SCHIP1: variants seen among roughly 807,000 people sequenced by gnomAD.
SCHIP1 encodes the protein schwannomin interacting protein 1.
In SCHIP1, 8 loss-of-function variants were observed where a neutral mutation model predicts 29.7. That is an observed-to-expected ratio of 0.27 (90% CI 0.16 to 0.49). The LOEUF is 0.49. SCHIP1 is among the 20% of genes least tolerant of loss of function. The probability of loss-of-function intolerance (pLI) is 0.99; values close to 1 mark genes in which losing one functional copy is unlikely to be tolerated. For missense variants in SCHIP1, 193 were observed against 294.6 expected (o/e 0.66, Z 2.52); for synonymous variants, 76 against 94.9 (o/e 0.80, Z 1.16).
chr3:159,490,294 G>A, the SCHIP1 span, among the ~76,000 whole-genome samples: 1 of 152,096 alleles, frequency 6.6e-6, no homozygotes, highest in South Asian at 2.1e-4. Context: ...GCTAACTATT[G>A]TCACCACACT....
the SCHIP1 span, among the ~76,000 whole-genome samples, chr3:159,411,989 T>A: frequency 6.6e-6 from 1 of 152,222 alleles, no homozygotes; most frequent in Non-Finnish European, 1.5e-5. Context: ...ACTATCAATA[T>A]GTTTTTATTA....
At chr3:159,403,156 A>T in the SCHIP1 span, among the ~76,000 whole-genome samples, 1 of 152,166 alleles carries the variant, frequency 6.6e-6, no homozygotes, top group East Asian at 1.9e-4. Flanking sequence ...AAATGTAGGG[A>T]TAATCAAGAA....
chr3:159,715,914 T>G, the SCHIP1 span, among the ~76,000 whole-genome samples: 4 of 152,008 alleles, frequency 2.6e-5, no homozygotes, highest in African/African-American at 9.7e-5. Flanking sequence ...ACAAAGATAC[T>G]CCTCAAGAAG....
At chr3:159,557,539 G>A in the SCHIP1 span, among the ~76,000 whole-genome samples, 1 of 152,126 alleles carries the variant, frequency 6.6e-6, no homozygotes, top group East Asian at 1.9e-4. Context: ...ATTTTGGCTG[G>A]GCATGCTGGC....
chr3:159,895,123 T>C (rs868829264), intron 6 of SCHIP1, among the ~76,000 whole-genome samples: 2 of 152,184 alleles, frequency 1.3e-5, no homozygotes, highest in African/African-American at 4.8e-5. Flanking sequence ...GTCACGAAAA[T>C]GTTTGATTCT....
the SCHIP1 span, among the ~76,000 whole-genome samples, chr3:159,284,349 CCTTT>C: frequency 6.6e-6 from 1 of 152,012 alleles, no homozygotes; most frequent in Non-Finnish European, 1.5e-5. Context: ...TCTGCATACT[CCTTT>C]ATTACTTTTA....
chr3:159,818,511 G>A, the SCHIP1 span, among the ~76,000 whole-genome samples: 1 of 152,222 alleles, frequency 6.6e-6, no homozygotes, highest in Admixed American at 6.5e-5. Flanking sequence ...GTAGAGCACT[G>A]CCTGGGAATC....
the SCHIP1 span, among the ~76,000 whole-genome samples, chr3:159,643,491 A>G: frequency 1.3e-5 from 2 of 152,042 alleles, no homozygotes; most frequent in African/African-American, 4.8e-5. Flanking sequence ...GCACAATCAG[A>G]ACATTCTCTC....
the SCHIP1 span, among the ~76,000 whole-genome samples, chr3:159,424,606 G>A: frequency 6.6e-6 from 1 of 152,202 alleles, no homozygotes; most frequent in Non-Finnish European, 1.5e-5. Context: ...AACCAAGTTG[G>A]AAAACACTCT....
At chr3:159,714,218 A>C in the SCHIP1 span, among the ~76,000 whole-genome samples, 2 of 152,216 alleles carry the variant, frequency 1.3e-5, no homozygotes, top group Non-Finnish European at 2.9e-5. Flanking sequence ...CCTGGGTGAC[A>C]GAGCGAGATC....
At chr3:159,346,720 T>C in the SCHIP1 span, among the ~76,000 whole-genome samples, 1 of 152,124 alleles carries the variant, frequency 6.6e-6, no homozygotes, top group South Asian at 2.1e-4. Flanking sequence ...AATACGTGTG[T>C]GTGGGTGTGG....
chr3:159,884,392 T>TC (rs1716766759), intron 2 of SCHIP1, among the ~76,000 whole-genome samples: 1 of 149,692 alleles, frequency 6.7e-6, no homozygotes, highest in Non-Finnish European at 1.5e-5. Flanking sequence ...TGTGTGTGTT[T>TC]ATGTATGTAT....
chr3:159,493,717 T>C, the SCHIP1 span, among the ~76,000 whole-genome samples: 5 of 151,668 alleles, frequency 3.3e-5, no homozygotes, highest in South Asian at 2.1e-4. Context: ...AACAAGGATA[T>C]CCAGGAATTG....
chr3:159,471,504 T>A, the SCHIP1 span, among the ~76,000 whole-genome samples: 1 of 152,096 alleles, frequency 6.6e-6, no homozygotes, highest in Non-Finnish European at 1.5e-5. Flanking sequence ...TAAAATTAAA[T>A]CATTTGCCAG....
chr3:159,654,802 T>TAAAAAAAAAAAAAAAAAAAAAAAAA, the SCHIP1 span, among the ~76,000 whole-genome samples: 1 of 103,808 alleles, frequency 9.6e-6, no homozygotes. Flanking sequence ...TGACTTTAAG[T>TAAAAAAAAAAAAAAAAAAAAAAAAA]AAAAAAAAAA....
chr3:159,644,590 G>T, the SCHIP1 span, among the ~76,000 whole-genome samples: 1 of 152,088 alleles, frequency 6.6e-6, no homozygotes, highest in East Asian at 1.9e-4. Flanking sequence ...TAGCTAAAAT[G>T]CTCATCTCAC....
At chr3:159,884,846 T>C (rs1369186824) in intron 2 of SCHIP1, among the ~76,000 whole-genome samples, 3 of 152,206 alleles carry the variant, frequency 2.0e-5, no homozygotes, top group Non-Finnish European at 4.4e-5. Context: ...TGTTGCTTTC[T>C]AACCCCTAGT....
chr3:159,511,180 G>A, the SCHIP1 span, among the ~76,000 whole-genome samples: 1 of 152,174 alleles, frequency 6.6e-6, no homozygotes, highest in South Asian at 2.1e-4. Flanking sequence ...GGCACCCCTC[G>A]CCCAGCCTCG....
chr3:159,547,837 G>A, the SCHIP1 span, among the ~76,000 whole-genome samples: 127 of 152,260 alleles, frequency 8.3e-4, no homozygotes, highest in Non-Finnish European at 1.6e-3. Flanking sequence ...TTGAAGTCAG[G>A]TAGCATGATG....
Sources: gnomAD v4.1 joint callset for allele counts (sites outside exome capture counted in the v4.1 genomes callset) on GRCh38, gnomAD v4.1.1 for gene constraint, MANE v1.5 for transcripts, NCBI Gene and HGNC (gene_info 2026-07-23, HGNC 2026-07-21) for gene names.